Variants in PPM1J observed in about 807,000 individuals in gnomAD.
PPM1J encodes the protein protein phosphatase, Mg2+/Mn2+ dependent 1J.
Under a neutral mutation model 53.3 loss-of-function variants are expected in PPM1J, and 43 were observed. The observed-to-expected ratio is 0.81, with a 90% CI of 0.63 to 1.04. The LOEUF is 1.04. Among genes scored for constraint, PPM1J ranks in the 50% least tolerant of loss-of-function variants. The probability of loss-of-function intolerance (pLI) is 0.00; values close to 1 mark genes in which losing one functional copy is unlikely to be tolerated. For synonymous variants in PPM1J, 267 were observed against 286.4 expected, an observed-to-expected ratio of 0.93 and a Z score of 0.68; for missense variants, 635 against 685.9, an observed-to-expected ratio of 0.93 and a Z score of 0.83.
At chr1:112,714,430 C>T (rs1232031692) in intron 1 of PPM1J, 3 of 985,818 alleles carry the variant, frequency 3.0e-6, no homozygotes, top group South Asian at 4.7e-5. Context: ...CCCTCCTCTA[C>T]CCCGGGCGTC....
At chr1:112,714,186 C>T in intron 1 of PPM1J, 1 of 991,510 alleles carries the variant, frequency 1.0e-6, no homozygotes, top group Non-Finnish European at 1.2e-6. Flanking sequence ...GCAGGAGCCA[C>T]ATACCCATAA....
Position 112,713,588 on chromosome 1 carries a change from C to T in PPM1J, c.350G>A (p.Arg117Gln), listed in dbSNP as rs1446280517. The T allele has an allele frequency of 1.9e-6, 3 of 1,614,134 alleles. No individual in the cohort carries two copies. Among genetic ancestry groups the T allele is most frequent in the East Asian group, 2.2e-5 (1 of 44,888 alleles). ...ACAGCAAGCCTGGTCCTCATTGTGC[C>T]GACTCTTGCCAGCATTGATGACCCT... is the stretch of plus-strand genomic sequence containing the variant. ...YAEVINAGKS[R>Q]HNEDQACCEV... Residue 117 changes from arginine to glutamine, a missense_variant, in exon 2 of 10, where the codon CGG (arginine) becomes CAG (glutamine). Transcript: ENST00000309276.
Position 112,712,955 on chromosome 1 carries a change from AGGAG to A in PPM1J, c.514_517del (p.Leu172CysfsTer9). ...TAGCTGCTCTCGGATATGGCGATGC[AGGAG>A]CCGTGAGGCCATTTCAGCAGCTCCG... On this transcript the variant is annotated frameshift_variant, in exon 3 of 10. Coordinates refer to ENST00000309276, the MANE Select transcript of PPM1J (RefSeq NM_005167.7). LOFTEE classifies it high-confidence loss of function. 6.2e-7 allele frequency: 1 copy of A among 1,613,850 alleles called. No homozygotes were observed. Among genetic ancestry groups the A allele is most frequent in the Non-Finnish European group, 8.5e-7 (1 of 1,180,000 alleles).
chr1:112,714,505 G>C, intron 1 of PPM1J: 1 of 988,544 alleles, frequency 1.0e-6, no homozygotes, highest in Non-Finnish European at 1.2e-6. Flanking sequence ...GGGTGTGGAG[G>C]GGGAGGGGAA....
At position 112,711,991 on chromosome 1, in the gene PPM1J, G is replaced by A. The variant is rs201700248; in HGVS notation, c.907C>T (p.Arg303Cys). ...MSREFTPETE[R>C]QRLQLLGFLK... ...CTTACAAGCAGCTGAAGACGCTGGC[G>A]CTCAGTCTCCGGGGTAAACTCCCGG... The change falls in exon 5 of 10, where the codon CGC becomes TGC. Residue 303 changes from arginine (R) to cysteine (C), a missense_variant. Coordinates refer to ENST00000309276, the MANE Select transcript of PPM1J (RefSeq NM_005167.7). The A allele has an allele frequency of 1.8e-5, 29 of 1,607,482 alleles. No homozygotes were observed. The highest frequency in any genetic ancestry group is 8.8e-5 in the South Asian group (8 of 90,500).
chr1:112,713,957 G>T, intron 1 of PPM1J: 2 of 962,590 alleles, frequency 2.1e-6, no homozygotes, highest in South Asian at 2.2e-5. Flanking sequence ...GGTAGCAGAA[G>T]TTTTACTTCC....
chr1:112,711,134 G>A, intron 6 of PPM1J, 63 bp from the exon 7 acceptor site: 1 of 1,528,782 alleles, frequency 6.5e-7, no homozygotes, highest in African/African-American at 1.4e-5. Flanking sequence ...CCTAGGAGCT[G>A]CATACCCTCA....
Position 112,710,498 on chromosome 1 carries a change from G to A in PPM1J, c.1332C>T (p.Asp444=), listed in dbSNP as rs756049920. 1.4e-5 allele frequency: 22 copies of A among 1,613,964 alleles called. No homozygotes were observed. The highest frequency in any genetic ancestry group is 1.8e-5 in the Non-Finnish European group (21 of 1,180,038). Residue 444 remains aspartate (D), a synonymous_variant, in exon 9 of 10, where the codon GAC becomes GAT. Transcript: ENST00000309276. The part of the protein sequence containing the change: ...TTDCEVAATV[D]RVLSAYEPND... Reference sequence around the variant, plus strand: ...TAGGCTCATAGGCCGACAGCACCCTGTCCACAGTGGCAGCTACCTCACAGT... The same window carrying A: ...TAGGCTCATAGGCCGACAGCACCCTATCCACAGTGGCAGCTACCTCACAGT...
Position 112,713,028 on chromosome 1 carries a change from G to A in PPM1J, c.445C>T (p.Leu149Phe). The A allele has an allele frequency of 6.3e-7, 1 of 1,590,870 alleles. No individual in the cohort carries two copies. The highest frequency in any genetic ancestry group is 1.3e-5 in the African/African-American group (1 of 74,224). The change falls in exon 3 of 10, where the codon CTC becomes TTC. Residue 149 changes from leucine to phenylalanine, a missense_variant. Leu to Phe is a conservative substitution (Grantham distance 22, BLOSUM62 0). Transcript: ENST00000309276. The stretch of plus-strand genomic sequence containing the variant: ...AATAGGCCCCAGTAGTAGAAGCAGA[G>A]TCCCTGGTGGAGGAAAAGTTGGAGG... The part of the protein sequence containing the change: ...VPREPSRGQG[L>F]CFYYWGLFDG...
rs1675175664 is a variant in PPM1J at position 112,715,277 on chromosome 1, C to A, written c.25G>T (p.Val9Leu). 6.8e-6 allele frequency: 9 copies of A among 1,318,808 alleles called. No individual in the cohort carries two copies. The highest frequency in any genetic ancestry group is 3.1e-5 in the East Asian group (1 of 32,034). The allele number at this position is 1,318,808 out of a possible 1,614,324, so 81.7% of individuals were successfully genotyped here. A position where few individuals can be genotyped will look rare whatever the true frequency, so the allele number is the denominator to read the frequency against. ...CCCCCGGAGCTCACCAGGTGCGCCA[C>A]GGCCGAGCGCACCCGGTTTAGCATG... Reference protein sequence around the residue: MLNRVRSAVAHLVSSGGAP... With the variant: MLNRVRSALAHLVSSGGAP... Residue 9 changes from valine (V) to leucine (L), a missense_variant, in exon 1 of 10, where the codon GTG becomes TTG. Physicochemically the swap from Val to Leu is conservative, Grantham distance 32. Transcript: ENST00000309276. The surrounding 1 kb of genome is among the most constrained non-coding windows in gnomAD (Gnocchi z 4.4).
chr1:112,711,237 A>G (rs749270669), intron 6 of PPM1J, 29 bp downstream of exon 6: 6 of 1,559,358 alleles, frequency 3.8e-6, no homozygotes, highest in Middle Eastern at 1.7e-4. Context: ...TGCCATGGGA[A>G]CGGGCCCCAG....
In PPM1J at chr1:112,713,032, C is replaced by G; in HGVS notation, c.442-1G>C. On this transcript the variant is annotated splice_acceptor_variant, in intron 2 of 9. Transcript: ENST00000309276. LOFTEE classifies it high-confidence loss of function. ...GGCCCCAGTAGTAGAAGCAGAGTCC[C>G]TGGTGGAGGAAAAGTTGGAGGTGAG... is the stretch of plus-strand genomic sequence containing the variant. The G allele has an allele frequency of 6.3e-7, 1 of 1,586,928 alleles. No homozygotes were observed. Among genetic ancestry groups the G allele is most frequent in the Non-Finnish European group, 8.6e-7 (1 of 1,165,266 alleles).
chr1:112,714,618 G>A (rs948907112), intron 1 of PPM1J: 3 of 1,097,284 alleles, frequency 2.7e-6, no homozygotes, highest in Non-Finnish European at 3.3e-6. Context: ...CCGCTCCTTC[G>A]TGAAACCCCT....
intron 5 of PPM1J, among the ~76,000 whole-genome samples, chr1:112,711,750 G>T (rs900132832): frequency 1.3e-5 from 2 of 152,130 alleles, no homozygotes; most frequent in Admixed American, 6.5e-5. Flanking sequence ...TCCTGCCTCA[G>T]CTGGGGCCAC....
Position 112,715,140 on chromosome 1 carries a change from G to T in PPM1J, c.162C>A (p.Ser54Arg), listed in dbSNP as rs144884834. The change falls in exon 1 of 10, where the codon AGC becomes AGA. Residue 54 changes from serine to arginine, a missense_variant. Transcript: ENST00000309276. This position sits in a 1 kb window ranked among gnomAD's most constrained non-coding sequence, Gnocchi z 4.4. ...RSPPAKAGSG[S>R]ATPAKAVEAR... ...CCTCAACAGCCTTCGCGGGCGTCGC[G>T]CTCCCGCTCCCAGCCTTCGCGGGAG... 1,093 of 1,547,136 alleles carry T rather than the reference G, an allele frequency of 7.1e-4. 8 individuals carry two copies. The African/African-American group carries it at 0.013, about 19-fold the overall frequency.
intron 1 of PPM1J, chr1:112,714,346 G>C (rs1311748972): frequency 1.0e-6 from 1 of 985,408 alleles, no homozygotes; most frequent in Admixed American, 6.1e-5. Flanking sequence ...GGGCCAGCCG[G>C]CCGCTCCGGG....
intron 1 of PPM1J, chr1:112,714,089 TG>T: frequency 2.0e-6 from 2 of 1,012,876 alleles, no homozygotes; most frequent in Non-Finnish European, 2.4e-6. Context: ...CGAAAGTTTC[TG>T]CTGCCTTAAC....
chr1:112,712,691 G>C, intron 3 of PPM1J, 53 bp downstream of exon 3: 1 of 1,545,502 alleles, frequency 6.5e-7, no homozygotes, highest in Non-Finnish European at 8.8e-7. Flanking sequence ...CTTCCACACA[G>C]AGTTGGCCAG....
At chr1:112,714,939 G>A in intron 1 of PPM1J, 37 bp downstream of exon 1, 2 of 1,348,816 alleles carry the variant, frequency 1.5e-6, no homozygotes, top group Non-Finnish European at 1.9e-6. Flanking sequence ...AGGGGTGGGA[G>A]CCCCATCCTG....
Sources: allele counts gnomAD v4.1 joint callset (sites outside exome capture counted in the v4.1 genomes callset), GRCh38; gene constraint gnomAD v4.1.1; non-coding constraint Gnocchi (gnomAD v3.1); transcripts MANE v1.5; gene names NCBI Gene and HGNC (gene_info 2026-07-23, HGNC 2026-07-21).